Variants in KCNH1 observed in about 807,000 individuals in gnomAD.
KCNH1 encodes the protein voltage-gated delayed rectifier potassium channel KCNH1.
In KCNH1, 27 loss-of-function variants were observed where a neutral mutation model predicts 69.2. The observed-to-expected ratio is 0.39, with a 90% CI of 0.29 to 0.54. The LOEUF is 0.54. Among genes scored for constraint, KCNH1 ranks in the 20% least tolerant of loss-of-function variants. The pLI is 0.68. For synonymous variants in KCNH1, 456 were observed against 487.7 expected (o/e 0.93, Z 0.86); for missense variants, 798 against 1,261.6 (o/e 0.63, Z 5.57).
At chr1:210,983,169 A>T (rs1175236881) in intron 6 of KCNH1, among the ~76,000 whole-genome samples, 1 of 152,112 alleles carries the variant, frequency 6.6e-6, no homozygotes, top group Non-Finnish European at 1.5e-5. Context: ...TCTGCATATT[A>T]GCCATTTGTC....
intron 3 of KCNH1, among the ~76,000 whole-genome samples, chr1:211,100,369 GAC>G (rs1479724860): frequency 6.6e-6 from 1 of 152,002 alleles, no homozygotes; most frequent in African/African-American, 2.4e-5. Flanking sequence ...CATTTTGGGA[GAC>G]AGAGTGAGTC....
At chr1:210,956,952 C>T (rs1001916256) in intron 6 of KCNH1, among the ~76,000 whole-genome samples, 1 of 152,058 alleles carries the variant, frequency 6.6e-6, no homozygotes, top group Non-Finnish European at 1.5e-5. Context: ...TTGCCTTCTG[C>T]TAACTTTTGA....
intron 5 of KCNH1, among the ~76,000 whole-genome samples, chr1:211,073,450 A>G (rs192994333): frequency 1.6e-4 from 25 of 152,332 alleles, no homozygotes; most frequent in Middle Eastern, 3.4e-3. Flanking sequence ...TGGAACATTC[A>G]CTAAGATAGG....
At chr1:210,899,672 A>G (rs1160759613) in intron 7 of KCNH1, among the ~76,000 whole-genome samples, 1 of 152,228 alleles carries the variant, frequency 6.6e-6, no homozygotes, top group African/African-American at 2.4e-5. Context: ...AACTTCCACT[A>G]ACTGGTGGGC....
intron 10 of KCNH1, among the ~76,000 whole-genome samples, chr1:210,702,886 T>C (rs949978332): frequency 1.3e-5 from 2 of 151,262 alleles, no homozygotes; most frequent in African/African-American, 2.5e-5. Context: ...GCCTTCCGTC[T>C]TTCAAAATTA....
At chr1:210,970,394 T>C (rs1688491848) in intron 6 of KCNH1, among the ~76,000 whole-genome samples, 1 of 151,982 alleles carries the variant, frequency 6.6e-6, no homozygotes, top group African/African-American at 2.4e-5. Context: ...TAGTTTCCCA[T>C]TCCTGTGTGG....
At chr1:210,871,607 G>A (rs1686249367) in intron 7 of KCNH1, among the ~76,000 whole-genome samples, 1 of 152,082 alleles carries the variant, frequency 6.6e-6, no homozygotes, top group Admixed American at 6.6e-5. Context: ...GCACACGTAT[G>A]TTTATTGCGG....
intron 5 of KCNH1, among the ~76,000 whole-genome samples, chr1:211,031,653 C>T (rs1689787731): frequency 6.6e-6 from 1 of 152,090 alleles, no homozygotes; most frequent in South Asian, 2.1e-4. Flanking sequence ...GAACCAACGA[C>T]AAAAAACACA....
chr1:211,122,117 G>A (rs188805224), intron 1 of KCNH1, among the ~76,000 whole-genome samples: 155 of 151,794 alleles, frequency 1.0e-3, no homozygotes, highest in Non-Finnish European at 1.6e-3. Context: ...CAGCCTGGGC[G>A]ACAGTGAGAC....
chr1:210,900,420 G>C (rs1686970261), intron 7 of KCNH1, among the ~76,000 whole-genome samples: 1 of 152,168 alleles, frequency 6.6e-6, no homozygotes, highest in Non-Finnish European at 1.5e-5. Context: ...TTGAACTTTT[G>C]AATCTAGATA....
intron 6 of KCNH1, among the ~76,000 whole-genome samples, chr1:210,967,104 A>T (rs1259312543): frequency 6.6e-6 from 1 of 152,126 alleles, no homozygotes; most frequent in African/African-American, 2.4e-5. Flanking sequence ...GTTCTCACTC[A>T]TAAGTGGGAG....
Position 210,861,871 on chromosome 1 carries a change from C to T in KCNH1, c.1463-57705G>A, listed in dbSNP as rs536307101. On this transcript the variant is annotated intron_variant, in intron 7 of 10. Coordinates refer to ENST00000271751, the MANE Select transcript of KCNH1 (RefSeq NM_172362.3). ...TCCTATCCAACAAGCACTGTTATCA[C>T]ACTGAAGATAAAAGCCAGTTTTGTC... The T allele has an allele frequency of 4.6e-5, 35 of 763,024 alleles. No homozygotes were observed. In the South Asian group the frequency reaches 4.8e-4, roughly 11 times the overall value. The allele number at this position is 763,024 out of a possible 1,614,324, so 47.3% of individuals were successfully genotyped here. A position where few individuals can be genotyped will look rare whatever the true frequency, so the allele number is the denominator to read the frequency against.
At chr1:210,775,239 C>T (rs1335120756) in intron 10 of KCNH1, 109 bp downstream of exon 10, 2 of 899,132 alleles carry the variant, frequency 2.2e-6, no homozygotes, top group East Asian at 2.6e-5. Flanking sequence ...CTCTTTAGAA[C>T]CAATTACTCT....
At chr1:210,991,648 A>G (rs1688939544) in intron 6 of KCNH1, among the ~76,000 whole-genome samples, 1 of 151,962 alleles carries the variant, frequency 6.6e-6, no homozygotes, top group Non-Finnish European at 1.5e-5. Context: ...ACATACACAC[A>G]TACACACCAG....
intron 5 of KCNH1, among the ~76,000 whole-genome samples, chr1:211,029,420 G>A (rs773520772): frequency 1.3e-4 from 18 of 133,688 alleles, no homozygotes; most frequent in African/African-American, 4.7e-4. Context: ...GCCATGTAAT[G>A]TATGATATTA....
chr1:211,007,776 T>A (rs1002754715), intron 6 of KCNH1, among the ~76,000 whole-genome samples: 4 of 152,130 alleles, frequency 2.6e-5, no homozygotes, highest in Admixed American at 6.6e-5. Flanking sequence ...TTTAGATACA[T>A]GAGGAAGAAG....
intron 6 of KCNH1, among the ~76,000 whole-genome samples, chr1:211,002,508 T>A (rs1689207900): frequency 6.6e-6 from 1 of 151,920 alleles, no homozygotes; most frequent in African/African-American, 2.4e-5. Context: ...TACTATAGGA[T>A]GAAACCCACA....
At chr1:210,715,713 C>CAATT (rs1202367182) in intron 10 of KCNH1, among the ~76,000 whole-genome samples, 1 of 152,052 alleles carries the variant, frequency 6.6e-6, no homozygotes, top group African/African-American at 2.4e-5. Context: ...GGTTCTAGCC[C>CAATT]AATTTTAGCA....
intron 9 of KCNH1, among the ~76,000 whole-genome samples, chr1:210,785,636 C>T (rs921934294): frequency 6.6e-6 from 1 of 152,142 alleles, no homozygotes; most frequent in Non-Finnish European, 1.5e-5. Flanking sequence ...CTGCCTGCCT[C>T]AGCTTGCATT....
Sources: allele counts gnomAD v4.1 joint callset (sites outside exome capture counted in the v4.1 genomes callset), GRCh38; gene constraint gnomAD v4.1.1; transcripts MANE v1.5; gene names NCBI Gene and HGNC (gene_info 2026-07-23, HGNC 2026-07-21).